Variants in OR3A2 observed in about 807,000 individuals in gnomAD.
OR3A2 encodes olfactory receptor 3A2.
For synonymous variants in OR3A2, 126 were observed against 159.3 expected (o/e 0.79, Z 1.57); for missense variants, 318 against 392.8 (o/e 0.81, Z 1.61).
In OR3A2 at chr17:3,311,215, G is replaced by A. The variant is rs1202976949; in HGVS notation, c.-85+24818C>T. ...TGGACATCTCTGCTGGACGTCGGGT[G>A]CATCAGTCACTGTTCCTCCGATGCT... On this transcript the variant is annotated intron_variant, in intron 3 of 4. Transcript: ENST00000573491. The surrounding 1 kb of genome is among the most constrained non-coding windows in gnomAD (Gnocchi z 4.6). 1.9e-6 allele frequency: 1 copy of A among 536,578 alleles called. No individual in the cohort carries two copies. Among genetic ancestry groups the A allele is most frequent in the South Asian group, 1.4e-5 (1 of 71,606 alleles). The allele number at this position is 536,578 out of a possible 1,614,324, so 33.2% of individuals were successfully genotyped here.
At chr17:3,291,690 G>C (rs774954457) in intron 3 of OR3A2, 1 of 1,611,334 alleles carries the variant, frequency 6.2e-7, no homozygotes, top group Admixed American at 1.7e-5. Flanking sequence ...CTGCACATCA[G>C]GGTTTCTGAA....
At chr17:3,297,358 T>C (rs1452156972) in intron 3 of OR3A2, among the ~76,000 whole-genome samples, 1 of 152,238 alleles carries the variant, frequency 6.6e-6, no homozygotes, top group Non-Finnish European at 1.5e-5. Flanking sequence ...CCCTTTCCCA[T>C]CCACTTTAAC....
intron 3 of OR3A2, among the ~76,000 whole-genome samples, chr17:3,294,613 C>G (rs1194391174): frequency 6.6e-6 from 1 of 152,024 alleles, no homozygotes; most frequent in Non-Finnish European, 1.5e-5. Flanking sequence ...ATACAGAACG[C>G]CAGCATTGTT....
At chr17:3,287,697 C>T (rs897434212), upstream of OR3A2, among the ~76,000 whole-genome samples, 2 of 152,112 alleles carry the variant, frequency 1.3e-5, no homozygotes, top group African/African-American at 2.4e-5. Flanking sequence ...TTATTTATCA[C>T]GTGTCATTTC....
Position 3,311,783 on chromosome 17 carries a change from G to C in OR3A2, c.-85+24250C>G, listed in dbSNP as rs1461098087. 1 of 219,004 alleles carries C rather than the reference G, an allele frequency of 4.6e-6. No individual in the cohort carries two copies. Among genetic ancestry groups the C allele is most frequent in the East Asian group, 1.0e-4 (1 of 9,526 alleles). The allele number at this position is 219,004 out of a possible 1,614,324, so 13.6% of individuals were successfully genotyped here. A position where few individuals can be genotyped will look rare whatever the true frequency, so the allele number is the denominator to read the frequency against. On this transcript the variant is annotated intron_variant, in intron 3 of 4. Coordinates refer to the OR3A2 transcript ENST00000573491. This position sits in a 1 kb window ranked among gnomAD's most constrained non-coding sequence, Gnocchi z 4.6. ...GGCTTCTTCAGTTACATGTGTCTGGGCTCAGTCTCAGCCTCAGACAAAGAT... is the reference window on the plus strand; with the variant it reads ...GGCTTCTTCAGTTACATGTGTCTGGCCTCAGTCTCAGCCTCAGACAAAGAT...
chr17:3,285,773 G>T (rs963198904), upstream of OR3A2, among the ~76,000 whole-genome samples: 1 of 152,206 alleles, frequency 6.6e-6, no homozygotes, highest in Non-Finnish European at 1.5e-5. Context: ...GGGCTATAGA[G>T]TGAGAATCCC....
intron 2 of OR3A2, among the ~76,000 whole-genome samples, chr17:3,381,822 C>T (rs565326155): frequency 1.7e-4 from 26 of 152,284 alleles, no homozygotes; most frequent in African/African-American, 6.3e-4. Flanking sequence ...TCTGTGGAGT[C>T]TTCCCTGACT....
At position 3,311,672 on chromosome 17, in the gene OR3A2, T is replaced by C. The variant is rs2049045556; in HGVS notation, c.-85+24361A>G. On this transcript the variant is annotated intron_variant, in intron 3 of 4. Coordinates refer to the OR3A2 transcript ENST00000573491. The surrounding 1 kb of genome is among the most constrained non-coding windows in gnomAD (Gnocchi z 4.6). The stretch of plus-strand genomic sequence containing the variant: ...TATGCCCACGTCACAGCTGCAATAT[T>C]ACAAATCCGCTCAGCTGAGGGGAGG... 3.5e-6 allele frequency: 1 copy of C among 284,480 alleles called. No homozygotes were observed. Among genetic ancestry groups the C allele is most frequent in the South Asian group, 4.6e-5 (1 of 21,706 alleles). The allele number at this position is 284,480 out of a possible 1,614,324, so 17.6% of individuals were successfully genotyped here.
chr17:3,324,063 G>T (rs1037263164), intron 3 of OR3A2, among the ~76,000 whole-genome samples: 1 of 151,896 alleles, frequency 6.6e-6, no homozygotes, highest in Non-Finnish European at 1.5e-5. Context: ...ATTTCTTTTT[G>T]TTCTTTTTTC....
chr17:3,330,003 T>A (rs1347423337), intron 3 of OR3A2, among the ~76,000 whole-genome samples: 1 of 146,882 alleles, frequency 6.8e-6, no homozygotes, highest in Non-Finnish European at 1.5e-5. Flanking sequence ...TTGTTCAGTT[T>A]CCATGTAGTT....
rs1429472515 is a variant in OR3A2 at position 3,371,425 on chromosome 17, A to AC, written c.-179+12378dup. 1.5e-3 allele frequency among the ~76,000 whole-genome samples: 167 copies of AC among 110,838 alleles called. 1 individual carries two copies. Among genetic ancestry groups the AC allele is most frequent in the African/African-American group, 5.2e-3 (147 of 28,234 alleles). 72.7% of individuals were successfully genotyped at this position (110,838 alleles called of 152,430 possible). A position where few individuals can be genotyped will look rare whatever the true frequency, so the allele number is the denominator to read the frequency against. Reference sequence around the variant, plus strand: ...GGGTGGCTGGCTGGGCAGGGGGCTGACCCCCCCACCTCCCTCCCGGACGGG... The same window carrying AC: ...GGGTGGCTGGCTGGGCAGGGGGCTGACCCCCCCCACCTCCCTCCCGGACGGG... On this transcript the variant is annotated intron_variant, in intron 2 of 4. Coordinates refer to the OR3A2 transcript ENST00000573491.
At chr17:3,281,542 A>G (rs2048777024) in intron 1 of OR3A2, among the ~76,000 whole-genome samples, 1 of 151,990 alleles carries the variant, frequency 6.6e-6, no homozygotes, top group Non-Finnish European at 1.5e-5. Flanking sequence ...CAGCATCAGC[A>G]TTTTTCAAAG....
At chr17:3,346,450 G>A (rs906660481) in intron 2 of OR3A2, among the ~76,000 whole-genome samples, 10 of 152,112 alleles carry the variant, frequency 6.6e-5, no homozygotes, top group Non-Finnish European at 1.2e-4. Context: ...CCTGTAATGG[G>A]AACAGCAGTA....
At chr17:3,341,392 T>G (rs902625922) in intron 2 of OR3A2, among the ~76,000 whole-genome samples, 4 of 152,246 alleles carry the variant, frequency 2.6e-5, no homozygotes, top group Non-Finnish European at 5.9e-5. Context: ...GTTTCTGCAG[T>G]GGCTAGTACC....
chr17:3,379,833 G>A (rs914567227), intron 2 of OR3A2, among the ~76,000 whole-genome samples: 1 of 152,160 alleles, frequency 6.6e-6, no homozygotes, highest in Non-Finnish European at 1.5e-5. Flanking sequence ...TCTGAGCACA[G>A]CAGACCAGCA....
chr17:3,325,497 A>T (rs980847413), intron 3 of OR3A2, among the ~76,000 whole-genome samples: 1 of 151,944 alleles, frequency 6.6e-6, no homozygotes, highest in African/African-American at 2.4e-5. Context: ...GGAGTGAGCC[A>T]CCCCACCCTG....
chr17:3,322,391 A>C (rs539005436), intron 3 of OR3A2, among the ~76,000 whole-genome samples: 1 of 152,068 alleles, frequency 6.6e-6, no homozygotes, highest in East Asian at 1.9e-4. Flanking sequence ...CTCTGATTTT[A>C]GTTATTTCTT....
intron 3 of OR3A2, among the ~76,000 whole-genome samples, chr17:3,309,481 A>C (rs1355378100): frequency 5.3e-5 from 8 of 152,192 alleles, no homozygotes; most frequent in Admixed American, 5.2e-4. Flanking sequence ...TCAATGAAAC[A>C]GCGTTACTTG....
intron 2 of OR3A2, among the ~76,000 whole-genome samples, chr17:3,336,475 A>G (rs982115520): frequency 2.6e-5 from 4 of 152,230 alleles, no homozygotes; most frequent in Non-Finnish European, 4.4e-5. Flanking sequence ...GTAACTAATG[A>G]TAGATACAAA....
Sources: gnomAD v4.1 joint callset for allele counts (sites outside exome capture counted in the v4.1 genomes callset) on GRCh38, gnomAD v4.1.1 for gene constraint, Gnocchi (gnomAD v3.1) non-coding constraint, MANE v1.5 for transcripts, NCBI Gene and HGNC (gene_info 2026-07-23, HGNC 2026-07-21) for gene names.